The following AKR1C3 variants were observed in gnomAD, a reference collection of about 807,000 sequenced individuals.
AKR1C3 encodes 3-alpha hydroxysteroid dehydrogenase, type II.
A neutral mutation model predicts 43.6 loss-of-function variants in AKR1C3; 48 were observed. That is an observed-to-expected ratio of 1.10 (90% confidence interval 0.87 to 1.40). AKR1C3 has a LOEUF of 1.40. AKR1C3 is among the 40% of genes most tolerant of loss of function. AKR1C3 has a pLI of 0.00. For missense variants in AKR1C3, 482 were observed against 391.2 expected (o/e 1.23, Z -1.96); for synonymous variants, 162 against 139.6 (o/e 1.16, Z -1.13).
chr10:5,081,304 T>C (rs1838833683), intron 1 of AKR1C3, among the ~76,000 whole-genome samples: 1 of 152,124 alleles, frequency 6.6e-6, no homozygotes, highest in South Asian at 2.1e-4. Context: ...AACCTAGACA[T>C]TCATTCAGTT....
exon 1 of AKR1C3, chr10:5,048,836 A>G: frequency 1.2e-6 from 2 of 1,613,950 alleles, no homozygotes; most frequent in Non-Finnish European, 1.7e-6. Flanking sequence ...TCAGTGTTTG[A>G]AGCTAAATGA....
rs1209438220 is a variant in AKR1C3, at chr10:5,079,288, G to C, written c.85-17122G>C. Among the ~76,000 whole-genome samples the C allele has an allele frequency of 2.0e-5, 3 of 152,020 alleles. No homozygotes were observed. The East Asian group carries it at 5.8e-4, about 29-fold the overall frequency. The stretch of plus-strand genomic sequence containing the variant: ...TTAGCTTTTAAGACTTGTCATACAG[G>C]GTGCAATAAAACAAAATGTGCCACT... On this transcript the variant is annotated intron_variant, in intron 1 of 8. Transcript: ENST00000439082.
At chr10:5,096,926 A>G (rs1398740314) in intron 2 of AKR1C3, among the ~76,000 whole-genome samples, 3 of 152,172 alleles carry the variant, frequency 2.0e-5, no homozygotes, top group African/African-American at 7.2e-5. Context: ...CTCAATTGCT[A>G]TCTTTATCAG....
chr10:5,077,300 T>C (rs1838736462), intron 1 of AKR1C3, among the ~76,000 whole-genome samples: 1 of 152,132 alleles, frequency 6.6e-6, no homozygotes, highest in African/African-American at 2.4e-5. Flanking sequence ...CCTGAAAATG[T>C]GATTTTATAT....
At chr10:5,070,437 G>A (rs1838594428) in intron 1 of AKR1C3, among the ~76,000 whole-genome samples, 1 of 152,244 alleles carries the variant, frequency 6.6e-6, no homozygotes, top group Non-Finnish European at 1.5e-5. Context: ...AGTGGCTCAA[G>A]GGCCTCGTTA....
At chr10:5,082,038 G>C (rs1212809983) in intron 1 of AKR1C3, among the ~76,000 whole-genome samples, 2 of 152,076 alleles carry the variant, frequency 1.3e-5, no homozygotes, top group African/African-American at 2.4e-5. Context: ...TTTATCATAA[G>C]AGGAAAAAAC....
At chr10:5,089,699 A>G (rs1461474546), upstream of AKR1C3, among the ~76,000 whole-genome samples, 1 of 151,908 alleles carries the variant, frequency 6.6e-6, no homozygotes, top group African/African-American at 2.4e-5. Flanking sequence ...GAGCTTTCTT[A>G]TAATCCATAC....
upstream of AKR1C3, chr10:5,094,317 T>C (rs961478000): frequency 2.3e-5 from 24 of 1,040,512 alleles, no homozygotes; most frequent in African/African-American, 3.6e-4. Flanking sequence ...ATGTACCTCC[T>C]CCTACATGCC....
intron 1 of AKR1C3, among the ~76,000 whole-genome samples, chr10:5,085,879 T>C (rs1402294004): frequency 6.6e-6 from 1 of 151,942 alleles, no homozygotes; most frequent in Non-Finnish European, 1.5e-5. Flanking sequence ...GTTTACAGTA[T>C]TCTCTGATGG....
chr10:5,105,546 A>T (rs1021213767), intron 7 of AKR1C3, 49 bp from the exon 8 acceptor site: 4 of 1,400,662 alleles, frequency 2.9e-6, no homozygotes, highest in Admixed American at 1.9e-5. Flanking sequence ...ATACTTGGGG[A>T]TTCACAACTG....
In AKR1C3 at chr10:5,102,127, G is replaced by C. The variant is rs149942131; in HGVS notation, c.597G>C (p.Arg199=). Residue 199 remains arginine, a synonymous_variant, in exon 6 of 9, where the codon CGG becomes CGC. Coordinates refer to ENST00000380554, the MANE Select transcript of AKR1C3 (RefSeq NM_003739.6). ...NQVECHPYFN[R]SKLLDFCKSK... is the part of the protein sequence containing the mutation. ...TAGAATGTCATCCGTATTTCAACCG[G>C]AGTAAATTGCTAGATTTCTGCAAGT... The C allele has an allele frequency of 8.1e-6, 13 of 1,613,694 alleles. No individual in the cohort carries two copies. The African/African-American group carries it at 1.7e-4, about 22-fold the overall frequency.
chr10:5,056,951 A>G (rs1554779663), intron 1 of AKR1C3, among the ~76,000 whole-genome samples: 1 of 152,192 alleles, frequency 6.6e-6, no homozygotes. Context: ...TAACACTGAG[A>G]AGGCTGCACC....
At chr10:5,062,631 T>C (rs1171899948) in intron 1 of AKR1C3, among the ~76,000 whole-genome samples, 2 of 152,154 alleles carry the variant, frequency 1.3e-5, no homozygotes, top group East Asian at 1.9e-4. Flanking sequence ...ATAAAGTTGA[T>C]TGAGGTAATT....
chr10:5,084,829 C>A (rs1838924979), intron 1 of AKR1C3, among the ~76,000 whole-genome samples: 1 of 152,126 alleles, frequency 6.6e-6, no homozygotes, highest in African/African-American at 2.4e-5. Flanking sequence ...ATTTTATTCT[C>A]TTTGAAGCAA....
chr10:5,087,024 A>T (rs185564852), intron 1 of AKR1C3, among the ~76,000 whole-genome samples: 1 of 152,106 alleles, frequency 6.6e-6, no homozygotes, highest in African/African-American at 2.4e-5. Flanking sequence ...TCTTTATCCA[A>T]TTTGCCAGTC....
Position 5,057,906 on chromosome 10 carries a change from C to T in AKR1C3, c.84+9011C>T, listed in dbSNP as rs1169925002. 2.6e-5 allele frequency among the ~76,000 whole-genome samples: 4 copies of T among 152,164 alleles called. No individual in the cohort carries two copies. The East Asian group carries it at 7.7e-4, about 29-fold the overall frequency. On this transcript the variant is annotated intron_variant, in intron 1 of 8. Transcript: ENST00000439082. Reference sequence around the variant, plus strand: ...AGCATGACATCTCTCCAAGTGAGCTCAAAGGTTTGCCCTAGACCCTGTAGG... The same window carrying T: ...AGCATGACATCTCTCCAAGTGAGCTTAAAGGTTTGCCCTAGACCCTGTAGG...
intron 1 of AKR1C3, among the ~76,000 whole-genome samples, chr10:5,054,547 C>T (rs910548884): frequency 3.9e-5 from 6 of 152,156 alleles, no homozygotes; most frequent in African/African-American, 1.4e-4. Flanking sequence ...TATGCCTTGG[C>T]TGGGTAGACA....
chr10:5,097,424 A>C lies in AKR1C3; in HGVS notation c.253-10A>C, dbSNP rs1399396666. ...CATTCAAAATCACCTCCATTCTTTA[A>C]CCTCTGCAGCTTTGGTCCACTTTTC... On this transcript the variant is annotated splice_polypyrimidine_tract_variant and intron_variant, in intron 2 of 8. Coordinates refer to ENST00000380554, the MANE Select transcript of AKR1C3 (RefSeq NM_003739.6). 1 of 1,612,570 alleles carries C rather than the reference A, an allele frequency of 6.2e-7. No individual in the cohort carries two copies. The highest frequency in any genetic ancestry group is 1.3e-5 in the African/African-American group (1 of 74,736).
At chr10:5,052,010 A>G (rs768164624) in intron 1 of AKR1C3, among the ~76,000 whole-genome samples, 1 of 152,300 alleles carries the variant, frequency 6.6e-6, no homozygotes, top group South Asian at 2.1e-4. Context: ...TCTTGGTCTC[A>G]CTGACTTCAA....
Sources: allele counts gnomAD v4.1 joint callset (sites outside exome capture counted in the v4.1 genomes callset), GRCh38; gene constraint gnomAD v4.1.1; transcripts MANE v1.5; gene names NCBI Gene and HGNC (gene_info 2026-07-23, HGNC 2026-07-21).